ZDHHC8: variants seen among roughly 807,000 people sequenced by gnomAD.
The protein encoded by ZDHHC8 is zDHHC palmitoyltransferase 8.
ZDHHC8 carries 24 observed loss-of-function variants against 61.2 expected under a neutral mutation model. That is an observed-to-expected ratio of 0.39 (90% confidence interval 0.28 to 0.55). The LOEUF (loss-of-function observed/expected upper bound fraction) is 0.55, where lower values mean the gene tolerates loss of function less well. Ranked by LOEUF, ZDHHC8 falls within the 20% of genes least tolerant of loss-of-function variation. The pLI, the probability that ZDHHC8 is intolerant of heterozygous loss-of-function variation, is 0.60. For missense variants in ZDHHC8, 935 were observed against 1,102.1 expected (o/e 0.85, Z 2.15); for synonymous variants, 523 against 492.5 (o/e 1.06, Z -0.82).
At position 20,142,794 on chromosome 22, in the gene ZDHHC8, C is replaced by A; in HGVS notation, c.1164C>A (p.Ser388Arg). 1 of 1,612,698 alleles carries A rather than the reference C, an allele frequency of 6.2e-7. No individual in the cohort carries two copies. The highest frequency in any genetic ancestry group is 1.7e-5 in the Admixed American group (1 of 60,000). Residue 388 changes from serine to arginine, a missense_variant, in exon 10 of 11, where the codon AGC (serine) becomes AGA (arginine). Around this residue, in one of 3 missense-constraint regions of ZDHHC8, gnomAD observed 692 missense variants for 731.4 expected, o/e 0.95. Transcript: ENST00000334554. Reference sequence around the variant, plus strand: ...ATTCCCTGACCCTGGGGGACGACAGCATCCGTAGCCTGGACTTTGTGTCCG... The same window carrying A: ...ATTCCCTGACCCTGGGGGACGACAGAATCCGTAGCCTGGACTTTGTGTCCG... ...GPDSLTLGDD[S>R]IRSLDFVSEP...
Position 20,145,660 on chromosome 22 carries a change from G to T in ZDHHC8, c.*260G>T. The T allele has an allele frequency of 2.7e-6, 3 of 1,113,598 alleles. No individual in the cohort carries two copies. The highest frequency in any genetic ancestry group is 3.3e-6 in the Non-Finnish European group (3 of 911,966). The allele number at this position is 1,113,598 out of a possible 1,614,324, so 69.0% of individuals were successfully genotyped here. On this transcript the variant is annotated 3_prime_UTR_variant, in exon 11 of 11. Transcript: ENST00000334554. The stretch of plus-strand genomic sequence containing the variant: ...CTGTGTCTGGGCCTGTCCCATGGCT[G>T]GGGCAGTGAGGGGGCCCAGTCAGCC...
chr22:20,141,523 GC>G lies in ZDHHC8; in HGVS notation c.1119del (p.Glu374SerfsTer9), dbSNP rs1326685136. 1 of 1,611,502 alleles carries G rather than the reference GC, an allele frequency of 6.2e-7. No homozygotes were observed. Among genetic ancestry groups the G allele is most frequent in the East Asian group, 2.2e-5 (1 of 44,856 alleles). Reference protein sequence around the residue: ...TGPKVPFCGPGEQVPGPDSLT... With the variant: ...TGPKVPFCGPXEQVPGPDSLT... ...CCCAAGGTGCCCTTCTGTGGACCAG[GC>G]GAGCAGGTAAGGAGGCCTAGCCTGC... On this transcript the variant is annotated frameshift_variant, in exon 9 of 11. Transcript: ENST00000334554. LOFTEE classifies it high-confidence loss of function.
chr22:20,145,702 T>A lies in ZDHHC8; in HGVS notation c.*302T>A. 1 of 1,043,202 alleles carries A rather than the reference T, an allele frequency of 9.6e-7. No individual in the cohort carries two copies. Among genetic ancestry groups the A allele is most frequent in the Non-Finnish European group, 1.2e-6 (1 of 867,384 alleles). The allele number at this position is 1,043,202 out of a possible 1,614,324, so 64.6% of individuals were successfully genotyped here. On this transcript the variant is annotated 3_prime_UTR_variant, in exon 11 of 11. Transcript: ENST00000334554. Reference sequence around the variant, plus strand: ...CAGTCAGCCTCTTTGGGGCACCCTCTCTCAGCCAGGCTTGGCCCACTGCCA... The same window carrying A: ...CAGTCAGCCTCTTTGGGGCACCCTCACTCAGCCAGGCTTGGCCCACTGCCA...
chr22:20,135,095 C>G (rs1445002400), intron 1 of ZDHHC8, among the ~76,000 whole-genome samples: 2 of 151,878 alleles, frequency 1.3e-5, no homozygotes, highest in Non-Finnish European at 2.9e-5. Flanking sequence ...TCACACCTGG[C>G]TAATTTATTT....
At chr22:20,142,556 G>A (rs547556987) in intron 9 of ZDHHC8, among the ~76,000 whole-genome samples, 200 bp from the exon 10 acceptor site, 1 of 152,310 alleles carries the variant, frequency 6.6e-6, no homozygotes, top group East Asian at 1.9e-4. Context: ...AGCCAGCTGT[G>A]GCCTCCCTCC....
rs769371581 is a variant in ZDHHC8, at chr22:20,147,059, G to T, written c.*1659G>T. 6 of 1,474,246 alleles carry T rather than the reference G, an allele frequency of 4.1e-6. No homozygotes were observed. The highest frequency in any genetic ancestry group is 5.4e-6 in the Non-Finnish European group (6 of 1,112,940). 91.3% of individuals were successfully genotyped at this position (1,474,246 alleles called of 1,614,324 possible). ...ACCTGCACCCGTGGATGGGGGCGGC[G>T]TGGCCAGCCTTGGGTGCCTCCTGGG... On this transcript the variant is annotated 3_prime_UTR_variant, in exon 11 of 11. Coordinates refer to ENST00000334554, the MANE Select transcript of ZDHHC8 (RefSeq NM_013373.4).
Position 20,146,484 on chromosome 22 carries a change from G to A in ZDHHC8, c.*1084G>A. On this transcript the variant is annotated 3_prime_UTR_variant, in exon 11 of 11. Transcript: ENST00000334554. ...TGATTCTTTCCTTGGGCAAGGCCAG[G>A]GCTATTGCTGCAGGATCCCGAGTTA... The A allele has an allele frequency of 1.0e-6, 1 of 987,238 alleles. No individual in the cohort carries two copies. The highest frequency in any genetic ancestry group is 1.2e-6 in the Non-Finnish European group (1 of 831,298). 61.2% of individuals were successfully genotyped at this position (987,238 alleles called of 1,614,324 possible).
chr22:20,131,971 C>A lies in ZDHHC8; in HGVS notation c.24C>A (p.Arg8=), dbSNP rs1019696161. The change falls in exon 1 of 11, where the codon CGC becomes CGA. Residue 8 remains arginine, a synonymous_variant. Coordinates refer to ENST00000334554, the MANE Select transcript of ZDHHC8 (RefSeq NM_013373.4). ...GGATGCCCCGCAGCCCCGGGACGCG[C>A]CTCAAACCCGCCAAGTACATCCCGG... MPRSPGT[R]LKPAKYIPVA... 4 of 1,334,546 alleles carry A rather than the reference C, an allele frequency of 3.0e-6. No individual in the cohort carries two copies. The Admixed American group carries it at 7.1e-5, about 24-fold the overall frequency. The allele number at this position is 1,334,546 out of a possible 1,614,324, so 82.7% of individuals were successfully genotyped here.
At chr22:20,133,161 G>A (rs1441293328) in intron 1 of ZDHHC8, among the ~76,000 whole-genome samples, 1 of 152,212 alleles carries the variant, frequency 6.6e-6, no homozygotes, top group East Asian at 1.9e-4. Context: ...AGGCTGCCAA[G>A]AGCATGTTTA....
chr22:20,140,472 T>G (rs1201474817), intron 5 of ZDHHC8, 145 bp from the exon 6 acceptor site: 12 of 927,688 alleles, frequency 1.3e-5, no homozygotes, highest in Non-Finnish European at 1.9e-5. Context: ...GTAACCTATG[T>G]GAGGGGCAGC....
At chr22:20,142,151 C>T (rs118092665) in intron 9 of ZDHHC8, among the ~76,000 whole-genome samples, 27 of 152,254 alleles carry the variant, frequency 1.8e-4, no homozygotes, top group Admixed American at 4.6e-4. Context: ...CCTCTCCCCT[C>T]AGGACTGATG....
At chr22:20,134,900 C>T (rs1351575386) in intron 1 of ZDHHC8, among the ~76,000 whole-genome samples, 1 of 152,032 alleles carries the variant, frequency 6.6e-6, no homozygotes, top group African/African-American at 2.4e-5. Context: ...TCTCAGAGGC[C>T]CTCTTCCTTC....
intron 1 of ZDHHC8, among the ~76,000 whole-genome samples, chr22:20,135,955 G>T (rs1300915568): frequency 1.3e-5 from 2 of 152,280 alleles, no homozygotes; most frequent in Non-Finnish European, 2.9e-5. Flanking sequence ...TTTAGCTGTG[G>T]CGGACATTCT....
chr22:20,140,381 T>A, intron 5 of ZDHHC8, 164 bp downstream of exon 5: 1 of 795,352 alleles, frequency 1.3e-6, no homozygotes, highest in Non-Finnish European at 2.0e-6. Context: ...GCCTGCCCCG[T>A]CCCCTGCGCA....
chr22:20,142,918 T>C lies in ZDHHC8; in HGVS notation c.1288T>C (p.Leu430=). The change falls in exon 10 of 11, where the codon TTG becomes CTG. Residue 430 remains leucine, a synonymous_variant. Transcript: ENST00000334554. ...LSASDAFSGA[L]RSLSLKASSR... is the part of the protein sequence containing the mutation. ...CGCCTCTGATGCCTTCTCGGGCGCT[T>C]TGCGCTCCCTGAGCCTCAAGGCCTC... is the stretch of plus-strand genomic sequence containing the variant. The C allele has an allele frequency of 3.7e-6, 6 of 1,608,092 alleles. No homozygotes were observed. The highest frequency in any genetic ancestry group is 5.1e-6 in the Non-Finnish European group (6 of 1,177,236).
rs141404066 is a variant in ZDHHC8 at position 20,145,420 on chromosome 22, C to T, written c.*20C>T. ...GTGTGAGGACTGACTGCCACACATC[C>T]GCCATGGTGCCACGGGGACCAGGAC... On this transcript the variant is annotated 3_prime_UTR_variant, in exon 11 of 11. Coordinates refer to ENST00000334554, the MANE Select transcript of ZDHHC8 (RefSeq NM_013373.4). The T allele has an allele frequency of 9.5e-6, 14 of 1,481,052 alleles. No individual in the cohort carries two copies. Among genetic ancestry groups the T allele is most frequent in the African/African-American group, 8.6e-5 (6 of 69,394 alleles). The allele number at this position is 1,481,052 out of a possible 1,614,324, so 91.7% of individuals were successfully genotyped here. A position where few individuals can be genotyped will look rare whatever the true frequency, so the allele number is the denominator to read the frequency against.
rs199724292 is a variant in ZDHHC8 at position 20,141,204 on chromosome 22, C to T, written c.895-13C>T. On this transcript the variant is annotated splice_polypyrimidine_tract_variant and intron_variant, in intron 7 of 10. Coordinates refer to ENST00000334554, the MANE Select transcript of ZDHHC8 (RefSeq NM_013373.4). ...TCCAAGCCCCACACACCACTGACCC[C>T]GCTCCCTCCCAGTCCAAGGGCAGCC... is the stretch of plus-strand genomic sequence containing the variant. 338 of 1,607,830 alleles carry T rather than the reference C, an allele frequency of 2.1e-4. 2 individuals are homozygous for T. In the East Asian group the frequency reaches 4.6e-3, roughly 22 times the overall value.
chr22:20,135,029 G>A (rs1008715050), intron 1 of ZDHHC8, among the ~76,000 whole-genome samples: 37 of 152,276 alleles, frequency 2.4e-4, no homozygotes, highest in African/African-American at 7.5e-4. Flanking sequence ...CCTCCTGGGC[G>A]CAAGTGATCA....
chr22:20,132,093 G>T (rs2050379853), intron 1 of ZDHHC8, 42 bp downstream of exon 1: 1 of 1,176,860 alleles, frequency 8.5e-7, no homozygotes, highest in South Asian at 2.1e-5. Flanking sequence ...GCAGCGATGG[G>T]CAGGGCCCGC....
Sources: allele counts gnomAD v4.1 joint callset (sites outside exome capture counted in the v4.1 genomes callset), GRCh38; gene constraint gnomAD v4.1.1; regional missense constraint gnomAD v4.1.1; transcripts MANE v1.5; gene names NCBI Gene and HGNC (gene_info 2026-07-23, HGNC 2026-07-21).